DLG2: variants seen among roughly 807,000 people sequenced by gnomAD.
DLG2 encodes the protein discs large MAGUK scaffold protein 2.
Under a neutral mutation model 132.5 loss-of-function variants are expected in DLG2, and 45 were observed. The observed-to-expected ratio is 0.34, with a 90% CI of 0.27 to 0.44. DLG2 has a LOEUF of 0.44. Among genes scored for constraint, DLG2 ranks in the 20% least tolerant of loss-of-function variants. The pLI is 1.00. For missense variants in DLG2, 1,045 were observed against 1,196.9 expected, an observed-to-expected ratio of 0.87 and a Z score of 1.87; for synonymous variants, 424 against 419.6, an observed-to-expected ratio of 1.01 and a Z score of -0.13.
chr11:85,194,914 C>T (rs11234319), intron 4 of DLG2, among the ~76,000 whole-genome samples: 1 of 152,174 alleles, frequency 6.6e-6, no homozygotes, highest in African/African-American at 2.4e-5. Flanking sequence ...TGGGATGCAG[C>T]TAGGTCTCAC....
intron 5 of DLG2, among the ~76,000 whole-genome samples, chr11:85,123,519 C>A (rs1194089797): frequency 6.6e-6 from 1 of 152,162 alleles, no homozygotes; most frequent in African/African-American, 2.4e-5. Context: ...TCAAGGTTAA[C>A]TCCTACTTTT....
intron 6 of DLG2, among the ~76,000 whole-genome samples, chr11:84,928,982 GTATATA>G (rs58945482): frequency 0.19 from 9,334 of 48,748 alleles, 969 homozygotes; most frequent in Admixed American, 0.24. Context: ...GTGTGTGTGT[GTATATA>G]TATATATATA....
At chr11:85,050,872 T>C (rs1311243073) in intron 6 of DLG2, among the ~76,000 whole-genome samples, 2 of 152,112 alleles carry the variant, frequency 1.3e-5, no homozygotes, top group Non-Finnish European at 2.9e-5. Context: ...GGGCACTCAG[T>C]CTCTGTTTGC....
At chr11:83,990,047 C>T (rs2093617073) in intron 11 of DLG2, among the ~76,000 whole-genome samples, 1 of 152,082 alleles carries the variant, frequency 6.6e-6, no homozygotes, top group Non-Finnish European at 1.5e-5. Context: ...GATTATAACA[C>T]CACCTACTGT....
At chr11:83,828,181 G>A (rs1445486461) in intron 17 of DLG2, among the ~76,000 whole-genome samples, 2 of 152,022 alleles carry the variant, frequency 1.3e-5, no homozygotes, top group Non-Finnish European at 1.5e-5. Context: ...ATAGTAAAAC[G>A]TTACTTCCCT....
chr11:83,566,869 G>A (rs505564), intron 19 of DLG2, among the ~76,000 whole-genome samples: 64,102 of 151,700 alleles, frequency 0.42, 13,981 homozygotes, highest in Admixed American at 0.51. Context: ...AAGCTTATAT[G>A]AGAGTAAATA....
intron 8 of DLG2, among the ~76,000 whole-genome samples, chr11:84,185,731 T>C (rs2154286078): frequency 1.3e-5 from 2 of 152,306 alleles, no homozygotes; most frequent in East Asian, 3.9e-4. Context: ...CTCTTATTAT[T>C]TTGAGGTATG....
intron 7 of DLG2, among the ~76,000 whole-genome samples, chr11:84,343,781 C>A (rs369409073): frequency 6.6e-6 from 1 of 152,216 alleles, no homozygotes; most frequent in Admixed American, 6.5e-5. Context: ...CTTCTTACAT[C>A]CACCTAATTG....
intron 3 of DLG2, among the ~76,000 whole-genome samples, chr11:85,449,166 C>A (rs376708974): frequency 6.6e-6 from 1 of 151,272 alleles, no homozygotes; most frequent in Admixed American, 6.6e-5. Flanking sequence ...TATTTATTTT[C>A]CTTGGTTAGA....
At chr11:85,543,357 G>T (rs576281965) in intron 3 of DLG2, among the ~76,000 whole-genome samples, 92 of 152,274 alleles carry the variant, frequency 6.0e-4, no homozygotes, top group Non-Finnish European at 1.1e-3. Flanking sequence ...TGGTGTACAT[G>T]TGCCACATTT....
chr11:83,864,766 A>G (rs2062009871), intron 16 of DLG2, among the ~76,000 whole-genome samples: 1 of 152,160 alleles, frequency 6.6e-6, no homozygotes, highest in Non-Finnish European at 1.5e-5. Flanking sequence ...GGAAGTAAAC[A>G]GAAATCCTGA....
intron 19 of DLG2, among the ~76,000 whole-genome samples, chr11:83,629,234 G>C (rs1341570745): frequency 6.6e-6 from 1 of 152,140 alleles, no homozygotes; most frequent in Non-Finnish European, 1.5e-5. Flanking sequence ...GACTGTTACT[G>C]CTGCGTCCTC....
At chr11:84,883,809 C>G (rs567142781) in intron 6 of DLG2, among the ~76,000 whole-genome samples, 8 of 152,162 alleles carry the variant, frequency 5.3e-5, no homozygotes, top group Non-Finnish European at 7.4e-5. Flanking sequence ...ATGTAAGAAG[C>G]AATAGGGTGA....
At chr11:85,615,846 C>G (rs529605055) in intron 2 of DLG2, among the ~76,000 whole-genome samples, 1 of 151,948 alleles carries the variant, frequency 6.6e-6, no homozygotes, top group South Asian at 2.1e-4. Context: ...AAGCTGACCA[C>G]GAAGCTGAAC....
intron 19 of DLG2, among the ~76,000 whole-genome samples, chr11:83,603,207 G>GAA (rs1422857816): frequency 1.3e-5 from 2 of 152,122 alleles, no homozygotes; most frequent in African/African-American, 4.8e-5. Flanking sequence ...CCACGACAAA[G>GAA]AATATTAACA....
At chr11:85,386,508 A>C (rs2086336148) in intron 3 of DLG2, among the ~76,000 whole-genome samples, 1 of 152,166 alleles carries the variant, frequency 6.6e-6, no homozygotes, top group Non-Finnish European at 1.5e-5. Flanking sequence ...AATGGGATGA[A>C]TTCGTAGGAC....
chr11:83,813,368 A>G (rs2047895198), intron 17 of DLG2, among the ~76,000 whole-genome samples: 3 of 152,126 alleles, frequency 2.0e-5, no homozygotes, highest in Non-Finnish European at 4.4e-5. Context: ...AGAAACAAAG[A>G]TTGTTTATAG....
intron 7 of DLG2, among the ~76,000 whole-genome samples, chr11:84,459,875 ATTAAG>A (rs1379445266): frequency 1.3e-5 from 2 of 150,606 alleles, no homozygotes; most frequent in African/African-American, 4.8e-5. Context: ...TCATGTTATA[ATTAAG>A]TTGTCAGAAA....
At chr11:84,276,753 A>G (rs550633069) in intron 7 of DLG2, among the ~76,000 whole-genome samples, 2 of 152,310 alleles carry the variant, frequency 1.3e-5, no homozygotes, top group South Asian at 4.1e-4. Flanking sequence ...GTACCTTTGT[A>G]TGGTGGGACT....
Sources: gnomAD v4.1 joint callset for allele counts (sites outside exome capture counted in the v4.1 genomes callset) on GRCh38, gnomAD v4.1.1 for gene constraint, MANE v1.5 for transcripts, NCBI Gene and HGNC (gene_info 2026-07-23, HGNC 2026-07-21) for gene names.